The following PSMB7 variants were observed in gnomAD, a reference collection of about 807,000 sequenced individuals.
The protein encoded by PSMB7 is proteasome subunit beta type-7.
A neutral mutation model predicts 28.1 loss-of-function variants in PSMB7; 5 were observed. The observed-to-expected ratio is 0.18, with a 90% CI of 0.09 to 0.37. PSMB7 has a LOEUF of 0.37. PSMB7 is among the 10% of genes least tolerant of loss of function. PSMB7 has a pLI of 1.00. For missense variants in PSMB7, 275 were observed against 346.2 expected, an observed-to-expected ratio of 0.79 and a Z score of 1.63; for synonymous variants, 122 against 123.7, an observed-to-expected ratio of 0.99 and a Z score of 0.09.
intron 5 of PSMB7, among the ~76,000 whole-genome samples, chr9:124,404,254 C>T (rs539465193): frequency 6.8e-6 from 1 of 146,492 alleles, no homozygotes; most frequent in African/African-American, 2.5e-5. Flanking sequence ...TCCCAAGTCC[C>T]CTTATCATGT....
At position 124,414,136 on chromosome 9, in the gene PSMB7, T is replaced by C. The variant is rs190944154; in HGVS notation, c.157-131A>G. 6.4e-5 allele frequency: 37 copies of C among 574,538 alleles called. No individual in the cohort carries two copies. The East Asian group carries it at 8.0e-4, about 12-fold the overall frequency. The allele number at this position is 574,538 out of a possible 1,614,324, so 35.6% of individuals were successfully genotyped here. A position where few individuals can be genotyped will look rare whatever the true frequency, so the allele number is the denominator to read the frequency against. On this transcript the variant is annotated intron_variant, in intron 2 of 7. Coordinates refer to ENST00000259457, the MANE Select transcript of PSMB7 (RefSeq NM_002799.4). ...ATCTCAAAACGCCAGCCAAAACTCA[T>C]AGCAAAAATATTGTGCTACACTTTC...
At chr9:124,385,659 G>A (rs1383588060) in intron 5 of PSMB7, among the ~76,000 whole-genome samples, 2 of 152,114 alleles carry the variant, frequency 1.3e-5, no homozygotes, top group Admixed American at 1.3e-4. Flanking sequence ...ATTTAGCTGG[G>A]TCACAGAGAA....
At chr9:124,398,458 C>T in intron 5 of PSMB7, 1 of 352,944 alleles carries the variant, frequency 2.8e-6, no homozygotes, top group Non-Finnish European at 5.8e-6. Flanking sequence ...GTAAAGAGCT[C>T]CTCTTCACAA....
rs113313268 is a variant in PSMB7 at position 124,372,469 on chromosome 9, C to A, written c.570+12129G>T. Among the ~76,000 whole-genome samples the A allele has an allele frequency of 6.0e-3, 913 of 152,348 alleles. 3 individuals carry two copies. Among genetic ancestry groups the A allele is most frequent in the Non-Finnish European group, 9.9e-3 (673 of 68,030 alleles). ...GAGACCTTCAAAATGTATATAGTCA[C>A]TTTCCTAAGATTTGTTGATTCTTGA... On this transcript the variant is annotated intron_variant, in intron 6 of 7. Coordinates refer to ENST00000259457, the MANE Select transcript of PSMB7 (RefSeq NM_002799.4).
intron 6 of PSMB7, among the ~76,000 whole-genome samples, chr9:124,367,043 C>T (rs769988990): frequency 1.3e-5 from 2 of 152,218 alleles, no homozygotes; most frequent in Non-Finnish European, 2.9e-5. Context: ...TTTGAAACTA[C>T]GACAGGGAAG....
intron 6 of PSMB7, among the ~76,000 whole-genome samples, chr9:124,381,473 G>C (rs1830663966): frequency 6.6e-6 from 1 of 152,198 alleles, no homozygotes; most frequent in African/African-American, 2.4e-5. Context: ...AGGTGTGAAA[G>C]GCAGCAGTGC....
At chr9:124,398,147 T>C (rs1454974536) in intron 5 of PSMB7, among the ~76,000 whole-genome samples, 1 of 150,558 alleles carries the variant, frequency 6.6e-6, no homozygotes, top group Non-Finnish European at 1.5e-5. Context: ...AACTCCAGCC[T>C]GGGCAACAGA....
intron 6 of PSMB7, among the ~76,000 whole-genome samples, chr9:124,379,487 T>C (rs1203351298): frequency 6.6e-6 from 1 of 152,186 alleles, no homozygotes; most frequent in Admixed American, 6.5e-5. Flanking sequence ...AGGTAGCGTT[T>C]AGGCCAAAAC....
At chr9:124,361,800 C>T (rs897122093) in intron 6 of PSMB7, among the ~76,000 whole-genome samples, 1 of 152,184 alleles carries the variant, frequency 6.6e-6, no homozygotes, top group Non-Finnish European at 1.5e-5. Flanking sequence ...TAGACACTCA[C>T]AAACTGATAG....
intron 6 of PSMB7, among the ~76,000 whole-genome samples, chr9:124,360,591 C>A (rs918909658): frequency 6.6e-6 from 1 of 152,214 alleles, no homozygotes; most frequent in Non-Finnish European, 1.5e-5. Flanking sequence ...ACCCTCGTTA[C>A]CAAAAAATGG....
At chr9:124,404,471 G>A (rs748760334) in intron 5 of PSMB7, among the ~76,000 whole-genome samples, 29 of 152,142 alleles carry the variant, frequency 1.9e-4, no homozygotes, top group Non-Finnish European at 7.3e-5. Context: ...GGGACCAGAA[G>A]TGTTTCAGAT....
chr9:124,402,018 C>CAA lies in PSMB7; in HGVS notation c.511+3297_511+3298dup, dbSNP rs34981907. Among the ~76,000 whole-genome samples, 519 of 123,774 alleles carry CAA rather than the reference C, an allele frequency of 4.2e-3. 2 individuals carry two copies. The highest frequency in any genetic ancestry group is 0.014 in the African/African-American group (413 of 29,376). 81.2% of individuals were successfully genotyped at this position (123,774 alleles called of 152,430 possible). ...CGGGTGACAGTGCGAGACTCAGTCT[C>CAA]AAAAAAAAAAAAAAGCTGATAAATG... On this transcript the variant is annotated intron_variant, in intron 5 of 7. Transcript: ENST00000259457.
intron 5 of PSMB7, among the ~76,000 whole-genome samples, chr9:124,397,726 T>C (rs935834503): frequency 6.6e-6 from 1 of 152,258 alleles, no homozygotes; most frequent in Non-Finnish European, 1.5e-5. Flanking sequence ...GAAATATTCA[T>C]TTTCTCACTT....
At chr9:124,355,195 C>T (rs1257410308) in intron 7 of PSMB7, among the ~76,000 whole-genome samples, 1 of 152,258 alleles carries the variant, frequency 6.6e-6, no homozygotes, top group Non-Finnish European at 1.5e-5. Context: ...CGATGGGGAG[C>T]AGGCTCCCTG....
chr9:124,369,923 T>C (rs1564677323), intron 6 of PSMB7, among the ~76,000 whole-genome samples: 1 of 152,208 alleles, frequency 6.6e-6, no homozygotes, highest in Non-Finnish European at 1.5e-5. Context: ...CGACTTTTCA[T>C]GACATAGTCC....
chr9:124,359,037 GA>G (rs1410732755), intron 6 of PSMB7, among the ~76,000 whole-genome samples: 1 of 152,172 alleles, frequency 6.6e-6, no homozygotes, highest in Non-Finnish European at 1.5e-5. Context: ...GATTATGAGT[GA>G]TCCTCCCTCT....
chr9:124,399,310 G>A (rs1030132454), intron 5 of PSMB7, among the ~76,000 whole-genome samples: 2 of 152,230 alleles, frequency 1.3e-5, no homozygotes, highest in Non-Finnish European at 2.9e-5. Flanking sequence ...CTAGAATTGT[G>A]CAGGGGCAGG....
intron 4 of PSMB7, among the ~76,000 whole-genome samples, chr9:124,405,936 T>A (rs184074059): frequency 6.6e-6 from 1 of 152,210 alleles, no homozygotes; most frequent in Non-Finnish European, 1.5e-5. Flanking sequence ...TCCTCCCACC[T>A]TGGCCTCCCA....
At chr9:124,409,720 CAGAT>C (rs1388455907) in intron 4 of PSMB7, among the ~76,000 whole-genome samples, 1 of 152,196 alleles carries the variant, frequency 6.6e-6, no homozygotes, top group Non-Finnish European at 1.5e-5. Flanking sequence ...CCTCAAAAGT[CAGAT>C]AGACAGAAAC....
Sources: allele counts gnomAD v4.1 joint callset (sites outside exome capture counted in the v4.1 genomes callset), GRCh38; gene constraint gnomAD v4.1.1; transcripts MANE v1.5; gene names NCBI Gene and HGNC (gene_info 2026-07-23, HGNC 2026-07-21).